ADGRF5: variants seen among roughly 807,000 people sequenced by gnomAD.
The protein encoded by ADGRF5 is adhesion G protein-coupled receptor F5, also known as G-protein coupled receptor 116.
ADGRF5 carries 75 observed loss-of-function variants against 132.3 expected under a neutral mutation model. The ratio of observed to expected loss-of-function variants is 0.57; its 90% confidence interval spans 0.47 to 0.69. ADGRF5 has a LOEUF of 0.69. Among genes scored for constraint, ADGRF5 ranks in the 30% least tolerant of loss-of-function variants. The pLI, the probability that ADGRF5 is intolerant of heterozygous loss-of-function variation, is 0.00. For synonymous variants in ADGRF5, 629 were observed against 597.6 expected (o/e 1.05, Z -0.77); for missense variants, 1,516 against 1,630.6 (o/e 0.93, Z 1.21).
At chr6:46,909,110 T>G (rs1314915631) in intron 1 of ADGRF5, 2 of 152,106 alleles carry the variant, frequency 1.3e-5, no homozygotes, top group Admixed American at 6.5e-5. Context: ...AAAAACTGTT[T>G]AACTTGGCCA....
At chr6:46,889,757 T>C (rs1400956626) in intron 3 of ADGRF5, among the ~76,000 whole-genome samples, 1 of 126,940 alleles carries the variant, frequency 7.9e-6, no homozygotes, top group African/African-American at 2.9e-5. Context: ...ATAAACACTA[T>C]ATATAATATA....
chr6:46,880,359 A>AT (rs910931538), intron 8 of ADGRF5, among the ~76,000 whole-genome samples: 13 of 4,164 alleles, frequency 3.1e-3, no homozygotes, highest in Non-Finnish European at 3.7e-3. Context: ...ATTTTTTTAT[A>AT]AAAAAAAAAC....
intron 1 of ADGRF5, among the ~76,000 whole-genome samples, chr6:46,917,513 A>G (rs996551612): frequency 6.6e-6 from 1 of 152,244 alleles, no homozygotes; most frequent in Admixed American, 6.5e-5. Flanking sequence ...CATCTATAAA[A>G]TGGGGATTAT....
At chr6:46,903,367 G>A (rs41273672) in intron 2 of ADGRF5, 5,765 of 152,270 alleles carry the variant, frequency 0.038, 179 homozygotes, top group Non-Finnish European at 0.054. Context: ...TGTCCAGAGG[G>A]AATTTCCTGA....
intron 1 of ADGRF5, among the ~76,000 whole-genome samples, chr6:46,949,899 C>T (rs1225215857): frequency 6.6e-6 from 1 of 152,158 alleles, no homozygotes; most frequent in Non-Finnish European, 1.5e-5. Context: ...GTTCTCGTTT[C>T]TTTTTTGCTC....
chr6:46,933,122 T>A (rs1337152428), intron 1 of ADGRF5, among the ~76,000 whole-genome samples: 2 of 152,148 alleles, frequency 1.3e-5, no homozygotes, highest in African/African-American at 4.8e-5. Context: ...GAAGGAAGAA[T>A]GTGCCTCTTA....
chr6:46,938,907 T>C (rs1777951805), intron 1 of ADGRF5, among the ~76,000 whole-genome samples: 1 of 151,456 alleles, frequency 6.6e-6, no homozygotes, highest in African/African-American at 2.4e-5. Flanking sequence ...AGTCTCACTC[T>C]GTCACCAGGC....
chr6:46,948,483 T>A (rs946969151), intron 1 of ADGRF5, among the ~76,000 whole-genome samples: 1 of 92,570 alleles, frequency 1.1e-5, no homozygotes, highest in Admixed American at 1.3e-4. Flanking sequence ...TGAGTGTGTG[T>A]GTGTGTGTGT....
In ADGRF5 at chr6:46,863,231, C is replaced by T. The variant is rs142832346; in HGVS notation, c.1991-135G>A. 5.7e-4 allele frequency: 432 copies of T among 755,446 alleles called. 4 individuals are homozygous for T. The East Asian group carries it at 9.8e-3, about 17-fold the overall frequency. The allele number at this position is 755,446 out of a possible 1,614,324, so 46.8% of individuals were successfully genotyped here. On this transcript the variant is annotated intron_variant, in intron 14 of 20. Coordinates refer to ENST00000283296, the MANE Select transcript of ADGRF5 (RefSeq NM_001098518.2). ...ACTTTCCGTCACCTTTTCAGAACTA[C>T]CCAATTTCTTAATTTTGCCCTTGAT...
chr6:46,859,019 C>G lies in ADGRF5; in HGVS notation c.2884G>C (p.Ala962Pro). ...CTGTCCCACCCCCCTGTGTTGTTGGCAAGCCTGAAGTTCCAGAAGACACAC... is the reference window on the plus strand; with the variant it reads ...CTGTCCCACCCCCCTGTGTTGTTGGGAAGCCTGAAGTTCCAGAAGACACAC... The part of the protein sequence containing the change: ...TKCVFWNFRL[A>P]NNTGGWDSSG... Residue 962 changes from alanine (A) to proline (P), a missense_variant, in exon 17 of 21, where the codon GCC (alanine) becomes CCC (proline). Around this residue, in one of 2 missense-constraint regions of ADGRF5, gnomAD observed 571 missense variants for 701.2 expected, o/e 0.81. Transcript: ENST00000283296. 1 of 1,614,180 alleles carries G rather than the reference C, an allele frequency of 6.2e-7. No individual in the cohort carries two copies. Among genetic ancestry groups the G allele is most frequent in the Non-Finnish European group, 8.5e-7 (1 of 1,180,022 alleles).
rs538061427 is a variant in ADGRF5, at chr6:46,853,169, T to C, written c.*823A>G. The stretch of plus-strand genomic sequence containing the variant: ...ATCTAATGACATATCTTTGTAATAC[T>C]TCCTCTGCAGATACATTCACTTAGT... On this transcript the variant is annotated 3_prime_UTR_variant, in exon 21 of 21. Transcript: ENST00000283296. 5 of 152,522 alleles carry C rather than the reference T, an allele frequency of 3.3e-5. No homozygotes were observed. In the South Asian group the frequency reaches 6.2e-4, roughly 19 times the overall value. 9.4% of individuals were successfully genotyped at this position (152,522 alleles called of 1,614,324 possible). A position where few individuals can be genotyped will look rare whatever the true frequency, so the allele number is the denominator to read the frequency against.
intron 3 of ADGRF5, among the ~76,000 whole-genome samples, chr6:46,890,145 T>C (rs1773501974): frequency 1.3e-5 from 2 of 151,860 alleles, no homozygotes; most frequent in African/African-American, 4.8e-5. Flanking sequence ...CAGGCTGGAG[T>C]GTAGTGGCAC....
chr6:46,865,311 C>T, intron 13 of ADGRF5, 114 bp from the exon 14 acceptor site: 2 of 707,224 alleles, frequency 2.8e-6, no homozygotes, highest in East Asian at 2.7e-5. Flanking sequence ...AGGAATGTGC[C>T]ACATTCATTT....
chr6:46,872,341 C>A (rs543899615), intron 10 of ADGRF5, among the ~76,000 whole-genome samples: 1 of 152,258 alleles, frequency 6.6e-6, no homozygotes, highest in East Asian at 1.9e-4. Flanking sequence ...AGATAATATA[C>A]ATAAACTCTT....
chr6:46,883,994 G>A (rs555506208), intron 5 of ADGRF5, 101 bp downstream of exon 5: 24 of 959,662 alleles, frequency 2.5e-5, no homozygotes, highest in Admixed American at 7.9e-5. Flanking sequence ...CATCCACATC[G>A]GACTATCAAA....
At position 46,865,038 on chromosome 6, in the gene ADGRF5, T is replaced by A. The variant is rs1161397905; in HGVS notation, c.1990+4A>T. Reference sequence around the variant, plus strand: ...CATCTTAAAGTAATTTAAAACGTTCTTACCAGGAACCAGATTCAGCTTCAT... The same window carrying A: ...CATCTTAAAGTAATTTAAAACGTTCATACCAGGAACCAGATTCAGCTTCAT... On this transcript the variant is annotated splice_donor_region_variant and intron_variant, in intron 14 of 20. Transcript: ENST00000283296. 2 of 1,589,250 alleles carry A rather than the reference T, an allele frequency of 1.3e-6. No homozygotes were observed. Among genetic ancestry groups the A allele is most frequent in the Non-Finnish European group, 1.7e-6 (2 of 1,164,930 alleles).
At chr6:46,925,595 A>C (rs1245325393), upstream of ADGRF5, among the ~76,000 whole-genome samples, 2 of 152,178 alleles carry the variant, frequency 1.3e-5, no homozygotes, top group Non-Finnish European at 2.9e-5. Context: ...GTCTCTACTA[A>C]AAAATACAAA....
chr6:46,877,955 T>A (rs1562176900), intron 10 of ADGRF5, among the ~76,000 whole-genome samples: 1 of 152,180 alleles, frequency 6.6e-6, no homozygotes, highest in Non-Finnish European at 1.5e-5. Context: ...GGATCCTAAT[T>A]TCTTGGGTCT....
At chr6:46,905,064 C>A (rs1440507206) in intron 2 of ADGRF5, among the ~76,000 whole-genome samples, 1 of 152,018 alleles carries the variant, frequency 6.6e-6, no homozygotes, top group Non-Finnish European at 1.5e-5. Flanking sequence ...ACTAGGAGGG[C>A]AGATGTGACA....
Sources: allele counts gnomAD v4.1 joint callset (sites outside exome capture counted in the v4.1 genomes callset), GRCh38; gene constraint gnomAD v4.1.1; regional missense constraint gnomAD v4.1.1; transcripts MANE v1.5; gene names NCBI Gene and HGNC (gene_info 2026-07-23, HGNC 2026-07-21).